The following HMBOX1 variants were observed in gnomAD, a reference collection of about 807,000 sequenced individuals.
HMBOX1 encodes the protein homeobox-containing protein 1.
Under a neutral mutation model 54.5 loss-of-function variants are expected in HMBOX1, and 14 were observed. The observed-to-expected ratio is 0.26, with a 90% CI of 0.17 to 0.40. HMBOX1 has a LOEUF of 0.40. Ranked by LOEUF, HMBOX1 falls within the 10% of genes least tolerant of loss-of-function variation. The probability of loss-of-function intolerance (pLI) is 1.00; values close to 1 mark genes in which losing one functional copy is unlikely to be tolerated. For synonymous variants in HMBOX1, 160 were observed against 181.0 expected (o/e 0.88, Z 0.93); for missense variants, 332 against 514.4 (o/e 0.65, Z 3.43).
At chr8:28,945,974 A>G (rs1822377825) in intron 1 of HMBOX1, among the ~76,000 whole-genome samples, 1 of 142,650 alleles carries the variant, frequency 7.0e-6, no homozygotes, top group South Asian at 2.2e-4. Context: ...CTTTATTGAG[A>G]CGGAGTCTTG....
At chr8:29,046,297 C>T (rs950778243) in intron 7 of HMBOX1, 1 of 152,234 alleles carries the variant, frequency 6.6e-6, no homozygotes, top group African/African-American at 2.4e-5. Context: ...AGCCCTAAAG[C>T]TGTGCAGAAA....
intron 1 of HMBOX1, among the ~76,000 whole-genome samples, chr8:28,961,083 C>T (rs936552537): frequency 6.6e-6 from 1 of 151,944 alleles, no homozygotes; most frequent in South Asian, 2.1e-4. Context: ...CCAGGCCCAG[C>T]CTCTCTTTTT....
At chr8:28,897,147 G>T (rs990575179) in intron 1 of HMBOX1, among the ~76,000 whole-genome samples, 1 of 151,852 alleles carries the variant, frequency 6.6e-6, no homozygotes, top group East Asian at 1.9e-4. Context: ...CACCATGCCC[G>T]GCTAATTTTG....
At chr8:29,002,680 C>T (rs926684656) in intron 4 of HMBOX1, among the ~76,000 whole-genome samples, 16 of 152,100 alleles carry the variant, frequency 1.1e-4, no homozygotes, top group African/African-American at 2.4e-5. Flanking sequence ...GAAACATTTA[C>T]AAAACTTCAG....
intron 1 of HMBOX1, chr8:28,890,929 C>CT (rs1418968080): frequency 6.6e-6 from 1 of 152,194 alleles, no homozygotes; most frequent in Admixed American, 6.5e-5. Context: ...CCCCCCAACT[C>CT]TTCTGGTTTC....
intron 1 of HMBOX1, among the ~76,000 whole-genome samples, chr8:28,961,458 A>G (rs1384673639): frequency 2.0e-5 from 3 of 152,162 alleles, no homozygotes; most frequent in Non-Finnish European, 2.9e-5. Flanking sequence ...ATCATATAAT[A>G]TTTGACCTTT....
intron 3 of HMBOX1, among the ~76,000 whole-genome samples, chr8:28,972,355 G>C (rs527588865): frequency 6.6e-6 from 1 of 152,256 alleles, no homozygotes; most frequent in South Asian, 2.1e-4. Context: ...TGGGACTGCA[G>C]GCGTGTGCCA....
chr8:28,971,877 G>A lies in HMBOX1; in HGVS notation c.500+1358G>A, dbSNP rs1256674988. Among the ~76,000 whole-genome samples, 4 of 151,920 alleles carry A rather than the reference G, an allele frequency of 2.6e-5. No individual in the cohort carries two copies. In the South Asian group the frequency reaches 8.3e-4, roughly 32 times the overall value. ...AGAGCCTGCAGATAAATTAGTTACA[G>A]TAGATTATGAAAGAAACTGTAACAG... On this transcript the variant is annotated intron_variant, in intron 3 of 9. Transcript: ENST00000287701.
intron 4 of HMBOX1, among the ~76,000 whole-genome samples, chr8:29,005,538 A>C (rs1310849482): frequency 1.3e-5 from 2 of 152,090 alleles, no homozygotes; most frequent in Non-Finnish European, 2.9e-5. Flanking sequence ...CATTTTTTTG[A>C]AACTACATAG....
intron 3 of HMBOX1, among the ~76,000 whole-genome samples, chr8:28,973,809 T>TTTTTTTTTTTG (rs1827871466): frequency 8.9e-4 from 10 of 11,238 alleles, no homozygotes; most frequent in Admixed American, 3.8e-3. Context: ...TGGAGTTTTT[T>TTTTTTTTTTTG]TTTTTTTTTT....
chr8:29,030,490 A>C (rs1396782960), intron 6 of HMBOX1, among the ~76,000 whole-genome samples: 1 of 152,182 alleles, frequency 6.6e-6, no homozygotes, highest in African/African-American at 2.4e-5. Context: ...AACTGCTGGG[A>C]TTACAGGTGT....
chr8:29,008,091 A>G (rs1833724000), intron 4 of HMBOX1, among the ~76,000 whole-genome samples: 1 of 152,150 alleles, frequency 6.6e-6, no homozygotes, highest in South Asian at 2.1e-4. Context: ...ATATTCGGTT[A>G]CCCTCAGTAA....
intron 4 of HMBOX1, among the ~76,000 whole-genome samples, chr8:28,983,008 G>A (rs1005192395): frequency 4.6e-5 from 7 of 152,058 alleles, no homozygotes; most frequent in Admixed American, 1.3e-4. Context: ...GTGAGCCACC[G>A]CACCCGGCTA....
At chr8:28,896,855 T>A (rs182090879) in intron 1 of HMBOX1, among the ~76,000 whole-genome samples, 1 of 152,342 alleles carries the variant, frequency 6.6e-6, no homozygotes, top group African/African-American at 2.4e-5. Flanking sequence ...CATTGGCACA[T>A]CCTGAAAGTT....
chr8:28,975,997 A>G (rs1828293860), intron 3 of HMBOX1, among the ~76,000 whole-genome samples: 1 of 152,228 alleles, frequency 6.6e-6, no homozygotes, highest in African/African-American at 2.4e-5. Flanking sequence ...TTGAACAACA[A>G]AGCTAACCCA....
intron 4 of HMBOX1, among the ~76,000 whole-genome samples, chr8:28,992,182 T>C (rs894819876): frequency 3.3e-5 from 5 of 152,200 alleles, no homozygotes; most frequent in African/African-American, 1.2e-4. Context: ...TTACTTATTA[T>C]GTAACTTTGG....
chr8:28,980,969 A>G (rs1047501670), intron 4 of HMBOX1, among the ~76,000 whole-genome samples: 4 of 152,176 alleles, frequency 2.6e-5, no homozygotes, highest in Non-Finnish European at 4.4e-5. Context: ...CTAGCTGGCT[A>G]TGTGAATTTG....
intron 4 of HMBOX1, among the ~76,000 whole-genome samples, chr8:28,987,131 A>G (rs1487729638): frequency 6.6e-6 from 1 of 152,170 alleles, no homozygotes; most frequent in African/African-American, 2.4e-5. Flanking sequence ...TCACCTGTAT[A>G]TAAAGTAGAA....
intron 1 of HMBOX1, among the ~76,000 whole-genome samples, chr8:28,922,450 A>G (rs1345610066): frequency 2.0e-5 from 3 of 152,204 alleles, no homozygotes; most frequent in African/African-American, 2.4e-5. Context: ...TTATTTTTGA[A>G]TTCTACTTTT....
Sources: gnomAD v4.1 joint callset for allele counts (sites outside exome capture counted in the v4.1 genomes callset) on GRCh38, gnomAD v4.1.1 for gene constraint, MANE v1.5 for transcripts, NCBI Gene and HGNC (gene_info 2026-07-23, HGNC 2026-07-21) for gene names.